The following GRIP1 variants were observed in gnomAD, a reference collection of about 807,000 sequenced individuals.
GRIP1 encodes the protein glutamate receptor-interacting protein 1.
A neutral mutation model predicts 129.9 loss-of-function variants in GRIP1; 45 were observed. That is an observed-to-expected ratio of 0.35 (90% CI 0.27 to 0.44). The LOEUF (loss-of-function observed/expected upper bound fraction) is 0.44, where lower values mean the gene tolerates loss of function less well. GRIP1 is among the 20% of genes least tolerant of loss of function. GRIP1 has a pLI of 1.00. For missense variants in GRIP1, 1,196 were observed against 1,396.8 expected, an observed-to-expected ratio of 0.86 and a Z score of 2.29; for synonymous variants, 530 against 520.8, an observed-to-expected ratio of 1.02 and a Z score of -0.24.
At chr12:66,484,921 G>C (rs1161681496) in intron 7 of GRIP1, among the ~76,000 whole-genome samples, 3 of 152,094 alleles carry the variant, frequency 2.0e-5, no homozygotes, top group African/African-American at 7.2e-5. Flanking sequence ...CTCTATGTAG[G>C]TATCAAAATA....
intron 1 of GRIP1, among the ~76,000 whole-genome samples, chr12:67,014,650 C>T (rs974758122): frequency 3.3e-5 from 5 of 152,108 alleles, no homozygotes; most frequent in African/African-American, 1.2e-4. Flanking sequence ...AGAAAACTTC[C>T]ATTCCATAAC....
intron 7 of GRIP1, among the ~76,000 whole-genome samples, chr12:66,488,041 C>T (rs376195044): frequency 1.3e-4 from 20 of 152,256 alleles, no homozygotes; most frequent in East Asian, 9.6e-4. Flanking sequence ...GAGATTTTAA[C>T]ACCCGACAGG....
chr12:66,494,411 C>T (rs2060182620), intron 7 of GRIP1, among the ~76,000 whole-genome samples: 1 of 152,202 alleles, frequency 6.6e-6, no homozygotes, highest in African/African-American at 2.4e-5. Context: ...TTTACCTATA[C>T]TTAAAACATT....
chr12:66,646,916 T>A (rs1565939048), intron 1 of GRIP1, among the ~76,000 whole-genome samples: 1 of 152,226 alleles, frequency 6.6e-6, no homozygotes, highest in Non-Finnish European at 1.5e-5. Flanking sequence ...GCTGTAGACC[T>A]CTCTATTCTC....
At chr12:66,366,271 CTTCCT>C (rs1423958436) in intron 23 of GRIP1, among the ~76,000 whole-genome samples, 3 of 152,194 alleles carry the variant, frequency 2.0e-5, no homozygotes, top group African/African-American at 7.2e-5. Flanking sequence ...CCATTTCATA[CTTCCT>C]CCGAGGGCTG....
At chr12:67,043,470 A>C (rs1183523806) in intron 1 of GRIP1, among the ~76,000 whole-genome samples, 2 of 152,186 alleles carry the variant, frequency 1.3e-5, no homozygotes, top group African/African-American at 4.8e-5. Flanking sequence ...CTCCTCCTAA[A>C]GATACAACCA....
chr12:66,668,242 T>C (rs2033898728), intron 1 of GRIP1, among the ~76,000 whole-genome samples: 1 of 152,242 alleles, frequency 6.6e-6, no homozygotes, highest in African/African-American at 2.4e-5. Context: ...TTTACTCTGA[T>C]ACTTTCTGAG....
chr12:66,595,634 G>A (rs1323552470), intron 2 of GRIP1, among the ~76,000 whole-genome samples: 2 of 152,140 alleles, frequency 1.3e-5, no homozygotes, highest in Admixed American at 6.5e-5. Context: ...TTCTAAATGC[G>A]ACCAGCATGA....
chr12:66,389,238 AT>A (rs1041382654), intron 19 of GRIP1, among the ~76,000 whole-genome samples: 3 of 151,822 alleles, frequency 2.0e-5, no homozygotes, highest in East Asian at 1.9e-4. Context: ...TTTTGTTTTA[AT>A]TTTTTTTGAG....
chr12:66,977,524 C>T (rs1397316951), intron 1 of GRIP1, among the ~76,000 whole-genome samples: 1 of 152,096 alleles, frequency 6.6e-6, no homozygotes, highest in Non-Finnish European at 1.5e-5. Flanking sequence ...GGAACTGGCA[C>T]ACTACCAGAA....
At chr12:66,536,193 C>T (rs1386793880) in intron 4 of GRIP1, among the ~76,000 whole-genome samples, 3 of 152,196 alleles carry the variant, frequency 2.0e-5, no homozygotes, top group African/African-American at 4.8e-5. Context: ...ACATGGATCA[C>T]TGTAACTGCC....
chr12:66,875,283 G>C (rs550791262), intron 1 of GRIP1, among the ~76,000 whole-genome samples: 1 of 152,078 alleles, frequency 6.6e-6, no homozygotes, highest in South Asian at 2.1e-4. Flanking sequence ...ATCCTGCACT[G>C]CCATCATCAG....
At chr12:66,839,475 A>T (rs2039675807) in intron 1 of GRIP1, among the ~76,000 whole-genome samples, 1 of 152,168 alleles carries the variant, frequency 6.6e-6, no homozygotes, top group Admixed American at 6.5e-5. Context: ...TATAATTTGC[A>T]TACACACACT....
At chr12:66,863,613 G>T (rs1414732760) in intron 1 of GRIP1, among the ~76,000 whole-genome samples, 4 of 152,010 alleles carry the variant, frequency 2.6e-5, no homozygotes, top group Non-Finnish European at 5.9e-5. Context: ...TGTATGCTTG[G>T]AGTGTTCAAG....
intron 7 of GRIP1, among the ~76,000 whole-genome samples, chr12:66,466,769 C>T (rs564802257): frequency 2.0e-5 from 3 of 152,272 alleles, no homozygotes; most frequent in Non-Finnish European, 2.9e-5. Context: ...TTTTTCAAGA[C>T]TGCATATTGG....
intron 1 of GRIP1, among the ~76,000 whole-genome samples, chr12:66,771,850 G>A (rs12580444): frequency 0.055 from 8,352 of 152,272 alleles, 402 homozygotes; most frequent in East Asian, 0.18. Flanking sequence ...ATCTAAATGA[G>A]GTTACATCTG....
chr12:66,890,614 C>A (rs527804048), intron 1 of GRIP1, among the ~76,000 whole-genome samples: 1 of 152,096 alleles, frequency 6.6e-6, no homozygotes, highest in East Asian at 1.9e-4. Flanking sequence ...CTATTCTCTG[C>A]TCAGTATCAA....
At chr12:67,028,495 G>T (rs1435949519) in intron 1 of GRIP1, among the ~76,000 whole-genome samples, 2 of 152,158 alleles carry the variant, frequency 1.3e-5, no homozygotes, top group African/African-American at 2.4e-5. Context: ...TGAAAAGATT[G>T]CTGGAAAAGG....
intron 1 of GRIP1, among the ~76,000 whole-genome samples, chr12:66,948,759 A>C (rs754815382): frequency 2.5e-4 from 38 of 152,228 alleles, no homozygotes; most frequent in Admixed American, 1.2e-3. Context: ...AGAAAGAAAA[A>C]GGAAAGACCC....
Sources: allele counts gnomAD v4.1 joint callset (sites outside exome capture counted in the v4.1 genomes callset), GRCh38; gene constraint gnomAD v4.1.1; transcripts MANE v1.5; gene names NCBI Gene and HGNC (gene_info 2026-07-23, HGNC 2026-07-21).